Variants in PDE4D observed in about 807,000 individuals in gnomAD.
PDE4D encodes the protein phosphodiesterase 4D, also known as 3',5'-cyclic-AMP phosphodiesterase 4D.
A neutral mutation model predicts 87.4 loss-of-function variants in PDE4D; 24 were observed. The ratio of observed to expected loss-of-function variants is 0.27; its 90% CI spans 0.20 to 0.39. PDE4D has a LOEUF of 0.39. Among genes scored for constraint, PDE4D ranks in the 10% least tolerant of loss-of-function variants. The pLI is 1.00. For missense variants in PDE4D, 714 were observed against 1,041.0 expected, an observed-to-expected ratio of 0.69 and a Z score of 4.32; for synonymous variants, 384 against 383.2, an observed-to-expected ratio of 1.00 and a Z score of -0.02.
At chr5:59,812,719 G>A (rs1203161899) in intron 1 of PDE4D, among the ~76,000 whole-genome samples, 1 of 152,002 alleles carries the variant, frequency 6.6e-6, no homozygotes, top group African/African-American at 2.4e-5. Flanking sequence ...TGAGACAAGT[G>A]AGATAAAACT....
chr5:59,802,213 T>TTTTTG (rs60846124), intron 1 of PDE4D, among the ~76,000 whole-genome samples: 61 of 149,034 alleles, frequency 4.1e-4, no homozygotes, highest in East Asian at 1.8e-3. Context: ...GAAGATCAGT[T>TTTTTG]TTTTGTTTTG....
At chr5:59,519,970 G>T (rs960565755) in intron 1 of PDE4D, among the ~76,000 whole-genome samples, 5 of 152,018 alleles carry the variant, frequency 3.3e-5, no homozygotes, top group African/African-American at 7.2e-5. Flanking sequence ...TATAAATGAG[G>T]CTGTTTATGG....
intron 1 of PDE4D, among the ~76,000 whole-genome samples, chr5:59,849,048 T>C (rs1744295220): frequency 6.6e-6 from 1 of 152,042 alleles, no homozygotes; most frequent in Admixed American, 6.6e-5. Context: ...TGTTTTCTAG[T>C]GTCCAGAATA....
chr5:60,233,082 G>T (rs1746001879), intron 1 of PDE4D, among the ~76,000 whole-genome samples: 1 of 151,536 alleles, frequency 6.6e-6, no homozygotes, highest in South Asian at 2.1e-4. Flanking sequence ...ACCTCAAAGT[G>T]AAATCTCATG....
chr5:59,050,566 T>C (rs62358506), intron 5 of PDE4D, among the ~76,000 whole-genome samples: 41,438 of 152,118 alleles, frequency 0.27, 5,960 homozygotes, highest in Middle Eastern at 0.4. Flanking sequence ...ATAAGATAAA[T>C]TAGTTTTATA....
chr5:59,963,409 C>T (rs945685379), intron 3 of PDE4D, among the ~76,000 whole-genome samples: 1 of 152,160 alleles, frequency 6.6e-6, no homozygotes, highest in Non-Finnish European at 1.5e-5. Context: ...CACCTAACAT[C>T]TGTATGTGCT....
At chr5:59,998,701 G>A (rs1339197177) in intron 2 of PDE4D, among the ~76,000 whole-genome samples, 2 of 151,540 alleles carry the variant, frequency 1.3e-5, no homozygotes, top group African/African-American at 2.4e-5. Context: ...ACATGGTTAC[G>A]GTCTTGCTCT....
chr5:59,495,111 A>T (rs1017751511), intron 1 of PDE4D, among the ~76,000 whole-genome samples: 1 of 152,078 alleles, frequency 6.6e-6, no homozygotes, highest in African/African-American at 2.4e-5. Context: ...TGCCTTTATG[A>T]TATTGTAAGC....
chr5:59,841,746 C>A (rs1047974466), intron 1 of PDE4D, among the ~76,000 whole-genome samples: 2 of 152,016 alleles, frequency 1.3e-5, no homozygotes, highest in African/African-American at 4.8e-5. Flanking sequence ...TCAAAAATGA[C>A]ATCTACTTAG....
At chr5:59,112,795 TTTTC>T (rs1365888051) in intron 5 of PDE4D, among the ~76,000 whole-genome samples, 1 of 126,842 alleles carries the variant, frequency 7.9e-6, no homozygotes, top group East Asian at 2.0e-4. Context: ...TTCTCTTCCT[TTTTC>T]TTTCTTTTTT....
chr5:59,618,076 T>C (rs950043859), intron 1 of PDE4D, among the ~76,000 whole-genome samples: 1 of 152,148 alleles, frequency 6.6e-6, no homozygotes, highest in African/African-American at 2.4e-5. Flanking sequence ...TGAGAGTTTA[T>C]GTGTCATGTA....
chr5:60,474,116 A>G (rs1583878400), intron 1 of PDE4D, among the ~76,000 whole-genome samples: 1 of 71,478 alleles, frequency 1.4e-5, no homozygotes, highest in Admixed American at 1.3e-4. Flanking sequence ...ATATATATAT[A>G]TATATATATA....
intron 5 of PDE4D, among the ~76,000 whole-genome samples, chr5:59,080,453 T>C (rs1332917444): frequency 6.6e-6 from 1 of 152,192 alleles, no homozygotes; most frequent in African/African-American, 2.4e-5. Flanking sequence ...TTCACTCCTT[T>C]AACAGTGTGG....
chr5:59,272,642 A>G (rs541637812), intron 1 of PDE4D, among the ~76,000 whole-genome samples: 9 of 152,242 alleles, frequency 5.9e-5, no homozygotes, highest in African/African-American at 1.9e-4. Flanking sequence ...CCTTTATTAA[A>G]TAAACCCTAA....
intron 1 of PDE4D, among the ~76,000 whole-genome samples, chr5:59,886,325 G>A (rs1296495133): frequency 1.3e-5 from 2 of 151,962 alleles, no homozygotes; most frequent in Non-Finnish European, 2.9e-5. Context: ...AGACCAGCCT[G>A]GCCAACACAG....
intron 2 of PDE4D, among the ~76,000 whole-genome samples, chr5:60,175,582 T>C (rs1432296703): frequency 6.6e-6 from 1 of 152,178 alleles, no homozygotes; most frequent in Non-Finnish European, 1.5e-5. Flanking sequence ...TGCCAGTTGT[T>C]ATTTTCTTAA....
chr5:60,260,501 A>C (rs1749538239), intron 1 of PDE4D, among the ~76,000 whole-genome samples: 1 of 152,154 alleles, frequency 6.6e-6, no homozygotes, highest in African/African-American at 2.4e-5. Context: ...TGAAGGTCTA[A>C]AGTGAATATA....
chr5:59,602,481 AT>A (rs1344627183), intron 1 of PDE4D, among the ~76,000 whole-genome samples: 1 of 152,050 alleles, frequency 6.6e-6, no homozygotes, highest in Admixed American at 6.6e-5. Flanking sequence ...TGAAAAAGAA[AT>A]TTTTAAAATC....
intron 2 of PDE4D, among the ~76,000 whole-genome samples, chr5:60,095,939 C>T (rs1775633457): frequency 6.6e-6 from 1 of 150,746 alleles, no homozygotes; most frequent in Non-Finnish European, 1.5e-5. Context: ...TAATGGGGTT[C>T]TTTGTTTTTC....
Sources: allele counts gnomAD v4.1 joint callset (sites outside exome capture counted in the v4.1 genomes callset), GRCh38; gene constraint gnomAD v4.1.1; transcripts MANE v1.5; gene names NCBI Gene and HGNC (gene_info 2026-07-23, HGNC 2026-07-21).